The following GMDS variants were observed in gnomAD, a reference collection of about 807,000 sequenced individuals.
GMDS encodes the protein GDP-mannose 4,6 dehydratase.
A neutral mutation model predicts 49.9 loss-of-function variants in GMDS; 20 were observed. The ratio of observed to expected loss-of-function variants is 0.40; its 90% CI spans 0.28 to 0.58. The LOEUF is 0.58. Ranked by LOEUF, GMDS falls within the 20% of genes least tolerant of loss-of-function variation. GMDS has a pLI of 0.42. For synonymous variants in GMDS, 177 were observed against 178.6 expected, an observed-to-expected ratio of 0.99 and a Z score of 0.07; for missense variants, 362 against 481.4, an observed-to-expected ratio of 0.75 and a Z score of 2.32.
intron 9 of GMDS, among the ~76,000 whole-genome samples, chr6:1,714,545 T>G (rs935333630): frequency 1.6e-4 from 24 of 152,200 alleles, no homozygotes; most frequent in African/African-American, 5.8e-4. Context: ...TTTCTCACTT[T>G]GTAATTCAGA....
chr6:1,831,393 C>A (rs909281381), intron 7 of GMDS, among the ~76,000 whole-genome samples: 1 of 152,130 alleles, frequency 6.6e-6, no homozygotes, highest in Admixed American at 6.5e-5. Flanking sequence ...TTAAGGGAAG[C>A]GTGAAGGGAA....
chr6:1,890,158 C>A (rs1434360335), intron 7 of GMDS, among the ~76,000 whole-genome samples: 1 of 151,956 alleles, frequency 6.6e-6, no homozygotes, highest in Admixed American at 6.6e-5. Context: ...TGTCAAACTG[C>A]TTTACAAAGT....
At chr6:1,864,917 T>C (rs1450027890) in intron 7 of GMDS, among the ~76,000 whole-genome samples, 4 of 152,218 alleles carry the variant, frequency 2.6e-5, no homozygotes, top group African/African-American at 9.6e-5. Flanking sequence ...ATGTTAAAAA[T>C]AGTTTTGAAC....
chr6:1,776,018 G>A (rs1428426254), intron 7 of GMDS, among the ~76,000 whole-genome samples: 1 of 152,162 alleles, frequency 6.6e-6, no homozygotes, highest in Non-Finnish European at 1.5e-5. Flanking sequence ...GTCCCCTCCT[G>A]TGCTGTACTA....
chr6:1,659,366 T>C (rs1167010233), intron 9 of GMDS, among the ~76,000 whole-genome samples: 1 of 152,058 alleles, frequency 6.6e-6, no homozygotes, highest in Non-Finnish European at 1.5e-5. Context: ...TGAGGTCCCA[T>C]GGGGACAGAG....
intron 9 of GMDS, among the ~76,000 whole-genome samples, chr6:1,674,560 CTTTTTT>C (rs869292549): frequency 0.01 from 760 of 73,426 alleles, 5 homozygotes; most frequent in Non-Finnish European, 0.014. Context: ...CTCTCTCTCT[CTTTTTT>C]TTTTTTTTTT....
At chr6:2,079,528 T>C (rs1474599050) in intron 4 of GMDS, among the ~76,000 whole-genome samples, 2 of 152,150 alleles carry the variant, frequency 1.3e-5, no homozygotes, top group African/African-American at 2.4e-5. Flanking sequence ...CCTTAAGCAA[T>C]TTCTGGGGAA....
intron 4 of GMDS, among the ~76,000 whole-genome samples, chr6:2,053,830 T>G (rs1454489884): frequency 1.3e-5 from 2 of 152,150 alleles, no homozygotes; most frequent in East Asian, 3.8e-4. Flanking sequence ...GGATAGGCAT[T>G]GCTAACTAGG....
intron 1 of GMDS, among the ~76,000 whole-genome samples, chr6:2,142,511 A>C (rs1372910189): frequency 6.6e-6 from 1 of 152,238 alleles, no homozygotes; most frequent in African/African-American, 2.4e-5. Flanking sequence ...CTACAAGCCA[A>C]GGAACACCAA....
intron 9 of GMDS, among the ~76,000 whole-genome samples, chr6:1,662,798 A>G (rs1764122379): frequency 6.6e-6 from 1 of 152,152 alleles, no homozygotes; most frequent in Non-Finnish European, 1.5e-5. Flanking sequence ...GCTGCATAAC[A>G]TTTTGTGTTC....
At position 1,738,190 on chromosome 6, in the gene GMDS, CACAT is replaced by C. The variant is rs371014257; in HGVS notation, c.890+4274_890+4277del. Reference sequence around the variant, plus strand: ...AGACACATACACACACACATATACACACATACACACACACATACACACACACAGA... The same window carrying C: ...AGACACATACACACACACATATACACACACACACACATACACACACACAGA... On this transcript the variant is annotated intron_variant, in intron 8 of 10. Transcript: ENST00000380815. Among the ~76,000 whole-genome samples the C allele has an allele frequency of 4.4e-3, 666 of 151,828 alleles. 3 individuals carry two copies. Among genetic ancestry groups the C allele is most frequent in the African/African-American group, 0.015 (615 of 41,366 alleles).
intron 1 of GMDS, among the ~76,000 whole-genome samples, chr6:2,182,879 G>C (rs546980393): frequency 6.6e-6 from 1 of 152,214 alleles, no homozygotes; most frequent in South Asian, 2.1e-4. Context: ...GCTAATTTTT[G>C]TATTTTTTTG....
At chr6:1,638,677 C>G (rs2113174690) in intron 9 of GMDS, among the ~76,000 whole-genome samples, 1 of 152,192 alleles carries the variant, frequency 6.6e-6, no homozygotes, top group African/African-American at 2.4e-5. Flanking sequence ...TACCAAGGGA[C>G]CTTTGCTTGG....
At chr6:1,763,896 C>G (rs1190843235) in intron 7 of GMDS, among the ~76,000 whole-genome samples, 1 of 152,138 alleles carries the variant, frequency 6.6e-6, no homozygotes, top group East Asian at 1.9e-4. Flanking sequence ...AGGTGGAGGG[C>G]TCCCTTGGAG....
intron 9 of GMDS, among the ~76,000 whole-genome samples, chr6:1,660,424 T>C (rs570169599): frequency 3.3e-5 from 5 of 152,224 alleles, no homozygotes; most frequent in Admixed American, 2.6e-4. Flanking sequence ...AACAACACAA[T>C]GTGCCCAGAA....
intron 7 of GMDS, among the ~76,000 whole-genome samples, chr6:1,803,882 A>G (rs936436418): frequency 6.6e-6 from 1 of 152,222 alleles, no homozygotes; most frequent in African/African-American, 2.4e-5. Context: ...TACAGGAAAT[A>G]TACAGTAAAG....
In GMDS at chr6:2,171,743, A is replaced by G. The variant is rs187169908; in HGVS notation, c.103-47012T>C. Among the ~76,000 whole-genome samples the G allele has an allele frequency of 5.7e-3, 864 of 152,352 alleles. 2 individuals are homozygous for G. The highest frequency in any genetic ancestry group is 0.017 in the Middle Eastern group (5 of 294). On this transcript the variant is annotated intron_variant, in intron 1 of 10. Transcript: ENST00000380815. ...ACAGAAGCCAGAAGAAAGCATCAGG[A>G]AAGTCTTCAATATCCACATTAAAAT...
chr6:2,127,716 G>A (rs777164732), intron 1 of GMDS, among the ~76,000 whole-genome samples: 2 of 152,212 alleles, frequency 1.3e-5, no homozygotes, highest in African/African-American at 2.4e-5. Context: ...CCAGCTGGCC[G>A]CCCCCTCGTC....
At chr6:2,216,415 T>C (rs999994469) in intron 1 of GMDS, among the ~76,000 whole-genome samples, 5 of 152,268 alleles carry the variant, frequency 3.3e-5, no homozygotes, top group African/African-American at 9.6e-5. Context: ...AAACAGATTC[T>C]ACCTTAATCA....
Sources: allele counts gnomAD v4.1 joint callset (sites outside exome capture counted in the v4.1 genomes callset), GRCh38; gene constraint gnomAD v4.1.1; transcripts MANE v1.5; gene names NCBI Gene and HGNC (gene_info 2026-07-23, HGNC 2026-07-21).